Variants in NRF1 observed in about 807,000 individuals in gnomAD.
NRF1 encodes the protein alpha palindromic-binding protein.
Under a neutral mutation model 58.5 loss-of-function variants are expected in NRF1, and 5 were observed. That is an observed-to-expected ratio of 0.09 (90% confidence interval 0.04 to 0.18). The LOEUF is 0.18. NRF1 is among the 10% of genes least tolerant of loss of function. The pLI, the probability that NRF1 is intolerant of heterozygous loss-of-function variation, is 1.00. For synonymous variants in NRF1, 224 were observed against 246.7 expected (o/e 0.91, Z 0.86); for missense variants, 288 against 657.7 (o/e 0.44, Z 6.15).
chr7:129,726,492 T>C (rs1486613449), intron 9 of NRF1, among the ~76,000 whole-genome samples: 2 of 152,232 alleles, frequency 1.3e-5, no homozygotes, highest in African/African-American at 4.8e-5. Flanking sequence ...ATGGTTAATG[T>C]CTTCCTATTC....
In NRF1 at chr7:129,625,675, A is replaced by ATTTTTT. The variant is rs56694598; in HGVS notation, c.-7+13870_-7+13875dup. Among the ~76,000 whole-genome samples, 44 of 88,990 alleles carry ATTTTTT rather than the reference A, an allele frequency of 4.9e-4. 1 individual carries two copies. The highest frequency in any genetic ancestry group is 1.0e-3 in the East Asian group (3 of 2,884). The allele number at this position is 88,990 out of a possible 152,430, so 58.4% of individuals were successfully genotyped here. On this transcript the variant is annotated intron_variant, in intron 1 of 10. Transcript: ENST00000393232. ...GCCACCATGCCCGGCTAATGTTTTA[A>ATTTTTT]TTTTTTTTTTTTTTTTTTTTTTTTG... is the stretch of plus-strand genomic sequence containing the variant.
chr7:129,667,257 CTT>C lies in NRF1; in HGVS notation c.224-4168_224-4167del, dbSNP rs987766887. On this transcript the variant is annotated intron_variant, in intron 2 of 10. Transcript: ENST00000393232. ...CATTCTCACCATCGGTGTTACCAGT[CTT>C]TTTCATTTTTGCAGATCTGGTAGGT... 3.7e-4 allele frequency among the ~76,000 whole-genome samples: 56 copies of C among 152,192 alleles called. 2 individuals carry two copies. The highest frequency in any genetic ancestry group is 1.2e-4 in the African/African-American group (5 of 41,452).
At chr7:129,666,397 T>C (rs770744348) in intron 2 of NRF1, among the ~76,000 whole-genome samples, 2 of 152,226 alleles carry the variant, frequency 1.3e-5, no homozygotes, top group Non-Finnish European at 2.9e-5. Context: ...AATTTTATAT[T>C]AATGGTATCA....
chr7:129,646,778 T>TCAGCCC (rs1801414259), intron 1 of NRF1, among the ~76,000 whole-genome samples: 2 of 152,156 alleles, frequency 1.3e-5, no homozygotes, highest in African/African-American at 4.8e-5. Flanking sequence ...GTTGGCAGGC[T>TCAGCCC]CAGCCCCAGA....
chr7:129,716,596 C>T (rs1405527639), intron 8 of NRF1, among the ~76,000 whole-genome samples: 2 of 151,962 alleles, frequency 1.3e-5, no homozygotes, highest in African/African-American at 4.8e-5. Flanking sequence ...GTGGGCCGGG[C>T]GTGGTGACTC....
intron 10 of NRF1, among the ~76,000 whole-genome samples, chr7:129,742,473 G>T (rs955903435): frequency 6.6e-6 from 1 of 151,976 alleles, no homozygotes; most frequent in Non-Finnish European, 1.5e-5. Context: ...CCTTATTCCC[G>T]TAGCACTGTA....
intron 1 of NRF1, among the ~76,000 whole-genome samples, chr7:129,646,842 C>T (rs1288737803): frequency 2.0e-5 from 3 of 151,990 alleles, no homozygotes; most frequent in African/African-American, 4.8e-5. Context: ...GGAAGTGAGA[C>T]GGAGAGAGAG....
chr7:129,656,322 A>G (rs1801654303), intron 1 of NRF1, among the ~76,000 whole-genome samples: 1 of 152,168 alleles, frequency 6.6e-6, no homozygotes, highest in African/African-American at 2.4e-5. Context: ...ATGTTTTGAC[A>G]TGTAACAATG....
chr7:129,665,717 T>C (rs898229852), intron 2 of NRF1, among the ~76,000 whole-genome samples: 9 of 152,064 alleles, frequency 5.9e-5, no homozygotes, highest in African/African-American at 2.2e-4. Flanking sequence ...TCAACCTCCT[T>C]GGGCTCAGAT....
chr7:129,662,942 G>C (rs1176515573), intron 2 of NRF1, among the ~76,000 whole-genome samples: 2 of 152,148 alleles, frequency 1.3e-5, no homozygotes, highest in African/African-American at 4.8e-5. Flanking sequence ...CTTGAGATTA[G>C]GGAGTGGTGA....
intron 1 of NRF1, among the ~76,000 whole-genome samples, chr7:129,652,169 G>T (rs1195380092): frequency 6.6e-6 from 1 of 152,214 alleles, no homozygotes; most frequent in African/African-American, 2.4e-5. Context: ...CTATAGTAGA[G>T]TGGGACAAAA....
At chr7:129,747,518 C>T (rs1162370975) in intron 10 of NRF1, among the ~76,000 whole-genome samples, 1 of 152,218 alleles carries the variant, frequency 6.6e-6, no homozygotes, top group African/African-American at 2.4e-5. Flanking sequence ...AAACTTCATA[C>T]TCAAAGTCAT....
At chr7:129,638,187 T>C (rs1316486834) in intron 1 of NRF1, among the ~76,000 whole-genome samples, 1 of 152,130 alleles carries the variant, frequency 6.6e-6, no homozygotes, top group African/African-American at 2.4e-5. Flanking sequence ...CTGGTTTGAC[T>C]ACAGATCAAG....
At chr7:129,716,758 C>T (rs1375126868) in intron 8 of NRF1, among the ~76,000 whole-genome samples, 1 of 151,934 alleles carries the variant, frequency 6.6e-6, no homozygotes, top group East Asian at 1.9e-4. Context: ...ATAGTCCCAA[C>T]TACTTGGGAG....
At chr7:129,692,382 C>G (rs1802590620) in intron 5 of NRF1, among the ~76,000 whole-genome samples, 1 of 151,846 alleles carries the variant, frequency 6.6e-6, no homozygotes, top group Admixed American at 6.6e-5. Context: ...TTTTTTTTGT[C>G]TCTACAAAAA....
chr7:129,670,443 C>T (rs1291690913), intron 2 of NRF1, among the ~76,000 whole-genome samples: 2 of 152,028 alleles, frequency 1.3e-5, no homozygotes, highest in African/African-American at 2.4e-5. Context: ...TTTTTATTTG[C>T]TTTGAGGTTC....
rs182534821 is a variant in NRF1 at position 129,740,811 on chromosome 7, A to G, written c.1348+13446A>G. 1.6e-3 allele frequency among the ~76,000 whole-genome samples: 248 copies of G among 152,208 alleles called. 2 individuals carry two copies. Among genetic ancestry groups the G allele is most frequent in the Non-Finnish European group, 2.0e-3 (136 of 68,012 alleles). On this transcript the variant is annotated intron_variant, in intron 10 of 10. Transcript: ENST00000393232. ...GGGTGGCCTCGGGCATTCATCGTTT[A>G]TATGCCAGGAATTGCTAACCTAAGC... is the stretch of plus-strand genomic sequence containing the variant.
At chr7:129,634,678 A>G (rs927355181) in intron 1 of NRF1, among the ~76,000 whole-genome samples, 1 of 152,238 alleles carries the variant, frequency 6.6e-6, no homozygotes, top group East Asian at 1.9e-4. Context: ...TTGTGTGGAC[A>G]TAAGTTTCAG....
intron 1 of NRF1, among the ~76,000 whole-genome samples, chr7:129,627,311 A>G (rs13231538): frequency 0.3 from 45,149 of 152,080 alleles, 8,357 homozygotes; most frequent in Non-Finnish European, 0.42. Context: ...TCCCCTGCTC[A>G]AGCAGTCCTC....
Sources: gnomAD v4.1 joint callset for allele counts (sites outside exome capture counted in the v4.1 genomes callset) on GRCh38, gnomAD v4.1.1 for gene constraint, MANE v1.5 for transcripts, NCBI Gene and HGNC (gene_info 2026-07-23, HGNC 2026-07-21) for gene names.